Variants in TMEM94 observed in about 807,000 individuals in gnomAD.
TMEM94 encodes the protein transmembrane protein 94, also known as ER Mg2+ ATPase.
Under a neutral mutation model 158.6 loss-of-function variants are expected in TMEM94, and 81 were observed. The ratio of observed to expected loss-of-function variants is 0.51; its 90% CI spans 0.43 to 0.61. TMEM94 has a LOEUF of 0.61. Ranked by LOEUF, TMEM94 falls within the 20% of genes least tolerant of loss-of-function variation. TMEM94 has a pLI of 0.00. For missense variants in TMEM94, 1,435 were observed against 1,762.0 expected (o/e 0.81, Z 3.32); for synonymous variants, 751 against 730.7 (o/e 1.03, Z -0.45).
intron 2 of TMEM94, among the ~76,000 whole-genome samples, chr17:75,479,782 C>T (rs1191890158): frequency 2.0e-5 from 3 of 152,106 alleles, no homozygotes; most frequent in South Asian, 2.1e-4. Context: ...AGCTGGGTGT[C>T]GTGGCATCAC....
At chr17:75,465,652 TTTTTATA>T (rs1348694121) in intron 1 of TMEM94, among the ~76,000 whole-genome samples, 1 of 41,342 alleles carries the variant, frequency 2.4e-5, no homozygotes. Flanking sequence ...GCTATAAGAA[TTTTTATA>T]TATATATATA....
Position 75,478,003 on chromosome 17 carries a change from C to CTTTTTTTTTT in TMEM94, c.24+6095_24+6104dup, listed in dbSNP as rs909668190. Among the ~76,000 whole-genome samples the CTTTTTTTTTT allele has an allele frequency of 6.2e-4, 36 of 57,916 alleles. 8 individuals carry two copies. Among genetic ancestry groups the CTTTTTTTTTT allele is most frequent in the African/African-American group, 2.8e-3 (27 of 9,554 alleles). 38.0% of individuals were successfully genotyped at this position (57,916 alleles called of 152,430 possible). On this transcript the variant is annotated intron_variant, in intron 2 of 31. Coordinates refer to ENST00000314256, the MANE Select transcript of TMEM94 (RefSeq NM_014738.6). ...CCTGGGCAACAAAGCGAGACTCCAT[C>CTTTTTTTTTT]TTTTTTTTTTTTTTTTTTTTTTTTT...
intron 1 of TMEM94, among the ~76,000 whole-genome samples, chr17:75,456,995 T>A (rs2049913227): frequency 6.6e-6 from 1 of 151,990 alleles, no homozygotes; most frequent in East Asian, 1.9e-4. Flanking sequence ...CATTGTGGGG[T>A]CTCTCGCCAG....
intron 1 of TMEM94, among the ~76,000 whole-genome samples, chr17:75,465,611 T>A (rs1177763176): frequency 7.0e-6 from 1 of 143,560 alleles, no homozygotes; most frequent in Non-Finnish European, 1.5e-5. Flanking sequence ...CTTTGCTCAT[T>A]TTAAAATTGG....
At position 75,488,044 on chromosome 17, in the gene TMEM94, G is replaced by A. The variant is rs1337608299; in HGVS notation, c.522G>A (p.Leu174=). Residue 174 remains leucine (L), a synonymous_variant, in exon 6 of 32, where the codon CTG becomes CTA. Coordinates refer to ENST00000314256, the MANE Select transcript of TMEM94 (RefSeq NM_014738.6). The part of the protein sequence containing the change: ...SLHWAYRDGH[L]VNLPVSLLVE... ...ACTGGGCCTACAGAGACGGACACCT[G>A]GTCAACCTGCCAGTCAGCCTGCTGG... 2 of 1,614,166 alleles carry A rather than the reference G, an allele frequency of 1.2e-6. No homozygotes were observed. The highest frequency in any genetic ancestry group is 2.2e-5 in the East Asian group (1 of 44,886).
intron 6 of TMEM94, 93 bp downstream of exon 6, chr17:75,488,227 C>A: frequency 7.9e-7 from 1 of 1,263,136 alleles, no homozygotes. Context: ...GGAAGCTTCC[C>A]GGCCAGCTTA....
Position 75,499,031 on chromosome 17 carries a change from C to A in TMEM94, c.3947C>A (p.Ser1316Tyr). The A allele has an allele frequency of 6.2e-7, 1 of 1,602,792 alleles. No homozygotes were observed. ...PLLTWLLGCLSLVLVVVTNEI... is the reference protein window; with the variant it reads ...PLLTWLLGCLYLVLVVVTNEI... ...CTGACATGGCTCCTGGGCTGCCTGT[C>A]CCTGGTCCTTGTGGTGGTGACCAAT... Residue 1316 changes from serine (S) to tyrosine (Y), a missense_variant, in exon 31 of 32, where the codon TCC becomes TAC. Around this residue, in one of 3 missense-constraint regions of TMEM94, gnomAD observed 335 missense variants for 409.1 expected, o/e 0.82. Transcript: ENST00000314256.
At chr17:75,460,288 C>T (rs534664806) in intron 1 of TMEM94, among the ~76,000 whole-genome samples, 1 of 152,242 alleles carries the variant, frequency 6.6e-6, no homozygotes, top group African/African-American at 2.4e-5. Context: ...ACCCAATTTT[C>T]ATAACTTCAA....
rs370775907 is a variant in TMEM94, at chr17:75,467,693, C to T, written c.-106-4107C>T. 2.3e-4 allele frequency among the ~76,000 whole-genome samples: 35 copies of T among 151,262 alleles called. No individual in the cohort carries two copies. In the East Asian group the frequency reaches 4.1e-3, roughly 18 times the overall value. On this transcript the variant is annotated intron_variant, in intron 1 of 31. Coordinates refer to ENST00000314256, the MANE Select transcript of TMEM94 (RefSeq NM_014738.6). ...GACTACAGGCGCCCGCCACCGCGCC[C>T]GGCTAATTTTTTGTATTTTTAGTAG...
chr17:75,465,896 A>G (rs1454807531), intron 1 of TMEM94, among the ~76,000 whole-genome samples: 31 of 151,336 alleles, frequency 2.0e-4, no homozygotes, highest in Admixed American at 1.8e-3. Flanking sequence ...TTATGGAACA[A>G]TTTATCAGTT....
At position 75,494,916 on chromosome 17, in the gene TMEM94, C is replaced by T; in HGVS notation, c.2610C>T (p.Gly870=). ...LKSKVFAEKM[G]LETGWNCHIS... ...CACAGGTGTTTGCAGAAAAAATGGG[C>T]CTGGAGACAGGCTGGAACTGCCACA... The change falls in exon 20 of 32, where the codon GGC becomes GGT. Residue 870 remains glycine (G), a synonymous_variant. Transcript: ENST00000314256. The T allele has an allele frequency of 6.2e-7, 1 of 1,613,534 alleles. No individual in the cohort carries two copies. Among genetic ancestry groups the T allele is most frequent in the South Asian group, 1.1e-5 (1 of 91,080 alleles).
In TMEM94 at chr17:75,487,966, C is replaced by G. The variant is rs987396202; in HGVS notation, c.444C>G (p.Pro148=). The change falls in exon 6 of 32, where the codon CCC becomes CCG. Residue 148 remains proline, a synonymous_variant. Coordinates refer to ENST00000314256, the MANE Select transcript of TMEM94 (RefSeq NM_014738.6). The surrounding 1 kb of genome is among the most constrained non-coding windows in gnomAD (Gnocchi z 4.6). ...ALRDGREIQW[P]SAMYPDLHMP... ...GGGATGGCAGGGAGATCCAGTGGCCCAGTGCCATGTATCCAGACCTCCACA... is the reference window on the plus strand; with the variant it reads ...GGGATGGCAGGGAGATCCAGTGGCCGAGTGCCATGTATCCAGACCTCCACA... 2 of 1,614,116 alleles carry G rather than the reference C, an allele frequency of 1.2e-6. No individual in the cohort carries two copies. Among genetic ancestry groups the G allele is most frequent in the South Asian group, 1.1e-5 (1 of 91,084 alleles).
In TMEM94 at chr17:75,485,632, C is replaced by T; in HGVS notation, c.144+85C>T. 6.4e-7 allele frequency: 1 copy of T among 1,571,280 alleles called. No homozygotes were observed. The highest frequency in any genetic ancestry group is 1.7e-5 in the Admixed American group (1 of 59,144). On this transcript the variant is annotated intron_variant, in intron 3 of 31. Coordinates refer to ENST00000314256, the MANE Select transcript of TMEM94 (RefSeq NM_014738.6). The surrounding 1 kb of genome is among the most constrained non-coding windows in gnomAD (Gnocchi z 5.5). Reference sequence around the variant, plus strand: ...CCCCTTCTCAGGACTCTGATGTACCCTGTCACCCTGGACAGTGTGACCCAA... The same window carrying T: ...CCCCTTCTCAGGACTCTGATGTACCTTGTCACCCTGGACAGTGTGACCCAA...
chr17:75,498,828 C>A lies in TMEM94; in HGVS notation c.3828-84C>A. On this transcript the variant is annotated intron_variant, in intron 30 of 31. Transcript: ENST00000314256. This position sits in a 1 kb window ranked among gnomAD's most constrained non-coding sequence, Gnocchi z 6.7. Reference sequence around the variant, plus strand: ...CCGGGGCCAGTGGTTTAACTGTACCCTGCCTGAGCTAACTGTTGTACTGGG... The same window carrying A: ...CCGGGGCCAGTGGTTTAACTGTACCATGCCTGAGCTAACTGTTGTACTGGG... The A allele has an allele frequency of 6.6e-7, 1 of 1,522,438 alleles. No individual in the cohort carries two copies. The highest frequency in any genetic ancestry group is 1.3e-5 in the South Asian group (1 of 77,242). The allele number at this position is 1,522,438 out of a possible 1,614,324, so 94.3% of individuals were successfully genotyped here.
At position 75,490,220 on chromosome 17, in the gene TMEM94, C is replaced by T. The variant is rs1468016243; in HGVS notation, c.955-14C>T. On this transcript the variant is annotated splice_polypyrimidine_tract_variant and intron_variant, in intron 9 of 31. Coordinates refer to ENST00000314256, the MANE Select transcript of TMEM94 (RefSeq NM_014738.6). ...GGAGCTCAGGAGCCATCTGTGTGGT[C>T]CGCTCCTTCCCAGGTGAATGGCGTC... 1.2e-6 allele frequency: 2 copies of T among 1,613,906 alleles called. No homozygotes were observed. Among genetic ancestry groups the T allele is most frequent in the Non-Finnish European group, 1.7e-6 (2 of 1,179,954 alleles).
intron 2 of TMEM94, among the ~76,000 whole-genome samples, chr17:75,484,477 C>T (rs911234276): frequency 1.3e-5 from 2 of 152,114 alleles, no homozygotes; most frequent in Admixed American, 6.5e-5. Context: ...CAGCTCACTA[C>T]GACCTTGACC....
Position 75,495,504 on chromosome 17 carries a change from A to T in TMEM94, c.2845-40A>T. ...CAGGCGGTGGAGGGGAGGGATGCTGATCCCCATCCCGAAGCCGCTGGCATC... is the reference window on the plus strand; with the variant it reads ...CAGGCGGTGGAGGGGAGGGATGCTGTTCCCCATCCCGAAGCCGCTGGCATC... On this transcript the variant is annotated intron_variant, in intron 21 of 31. Coordinates refer to ENST00000314256, the MANE Select transcript of TMEM94 (RefSeq NM_014738.6). This position sits in a 1 kb window ranked among gnomAD's most constrained non-coding sequence, Gnocchi z 5.6. The T allele has an allele frequency of 6.2e-7, 1 of 1,605,520 alleles. No homozygotes were observed. The highest frequency in any genetic ancestry group is 8.5e-7 in the Non-Finnish European group (1 of 1,173,418).
intron 2 of TMEM94, among the ~76,000 whole-genome samples, chr17:75,478,172 C>T (rs1046661721): frequency 9.7e-3 from 155 of 15,970 alleles, no homozygotes; most frequent in African/African-American, 0.033. Flanking sequence ...CCCGCCACTA[C>T]GCCCGGCTAA....
In TMEM94 at chr17:75,471,807, G is replaced by T; in HGVS notation, c.-99G>T. 1 of 1,207,566 alleles carries T rather than the reference G, an allele frequency of 8.3e-7. No individual in the cohort carries two copies. The highest frequency in any genetic ancestry group is 1.2e-5 in the South Asian group (1 of 80,460). The allele number at this position is 1,207,566 out of a possible 1,614,324, so 74.8% of individuals were successfully genotyped here. On this transcript the variant is annotated 5_prime_UTR_variant, in exon 2 of 32. The change abolishes the stop of an existing upstream ORF in the 5' untranslated region. Coordinates refer to ENST00000314256, the MANE Select transcript of TMEM94 (RefSeq NM_014738.6). ...TTTCTTCTTTTTCCCCAGATGTTGT[G>T]ACTGTGACAGACTCACTGGGGTTTG...
Sources: gnomAD v4.1 joint callset for allele counts (sites outside exome capture counted in the v4.1 genomes callset) on GRCh38, gnomAD v4.1.1 for gene constraint, gnomAD v4.1.1 regional missense constraint, Gnocchi (gnomAD v3.1) non-coding constraint, MANE v1.5 for transcripts, NCBI Gene and HGNC (gene_info 2026-07-23, HGNC 2026-07-21) for gene names.